ATRNL1: variants seen among roughly 807,000 people sequenced by gnomAD.
The protein encoded by ATRNL1 is attractin-like protein 1.
Under a neutral mutation model 182.7 loss-of-function variants are expected in ATRNL1, and 95 were observed. The ratio of observed to expected loss-of-function variants is 0.52; its 90% CI spans 0.44 to 0.62. The LOEUF is 0.62. Ranked by LOEUF, ATRNL1 falls within the 20% of genes least tolerant of loss-of-function variation. ATRNL1 has a pLI of 0.00. For missense variants in ATRNL1, 1,471 were observed against 1,679.5 expected, an observed-to-expected ratio of 0.88 and a Z score of 2.17; for synonymous variants, 576 against 568.3, an observed-to-expected ratio of 1.01 and a Z score of -0.19.
chr10:115,829,271 A>G (rs1254041646), intron 27 of ATRNL1, among the ~76,000 whole-genome samples: 2 of 152,176 alleles, frequency 1.3e-5, no homozygotes, highest in Non-Finnish European at 2.9e-5. Context: ...TATGGCAGAT[A>G]GGAGTTGAGA....
intron 19 of ATRNL1, among the ~76,000 whole-genome samples, chr10:115,379,895 C>T (rs1554950596): frequency 1.3e-5 from 2 of 152,160 alleles, no homozygotes; most frequent in African/African-American, 4.8e-5. Flanking sequence ...GGCGTGATCT[C>T]AGCTCATTGC....
At chr10:115,202,969 A>T (rs1451923718) in intron 8 of ATRNL1, among the ~76,000 whole-genome samples, 1 of 151,416 alleles carries the variant, frequency 6.6e-6, no homozygotes, top group African/African-American at 2.4e-5. Context: ...GGGAGAGTGT[A>T]TGTGTCGAGG....
At chr10:115,249,883 A>G (rs115777708) in intron 10 of ATRNL1, among the ~76,000 whole-genome samples, 2,238 of 152,344 alleles carry the variant, frequency 0.015, 48 homozygotes, top group African/African-American at 0.05. Context: ...AGAAATATAA[A>G]TTATAGTCAG....
rs1286555596 is a variant in ATRNL1, at chr10:115,241,808, A to C, written c.1687+83A>C. 4 of 1,136,212 alleles carry C rather than the reference A, an allele frequency of 3.5e-6. No individual in the cohort carries two copies. The East Asian group carries it at 9.6e-5, about 27-fold the overall frequency. The allele number at this position is 1,136,212 out of a possible 1,614,324, so 70.4% of individuals were successfully genotyped here. ...ATTCTCAAATACATTAATTGATAGC[A>C]TGTGTATATGTCATTTTAGAGTTAA... On this transcript the variant is annotated intron_variant, in intron 10 of 28. Transcript: ENST00000355044.
chr10:115,175,629 G>T (rs1042181417), intron 8 of ATRNL1, among the ~76,000 whole-genome samples: 1 of 151,964 alleles, frequency 6.6e-6, no homozygotes, highest in Non-Finnish European at 1.5e-5. Context: ...AAGAATAATA[G>T]ATAAACCATG....
At chr10:115,799,220 G>C (rs1465070844) in intron 27 of ATRNL1, among the ~76,000 whole-genome samples, 3 of 152,076 alleles carry the variant, frequency 2.0e-5, no homozygotes, top group Non-Finnish European at 4.4e-5. Flanking sequence ...CATGCTTGTT[G>C]AATTTAACGT....
intron 28 of ATRNL1, among the ~76,000 whole-genome samples, chr10:115,935,116 C>T (rs1953517503): frequency 6.6e-6 from 1 of 152,158 alleles, no homozygotes; most frequent in Non-Finnish European, 1.5e-5. Context: ...CTGCCTGCTT[C>T]ATAGAGTTGG....
chr10:115,623,134 A>G (rs113093680), intron 26 of ATRNL1, among the ~76,000 whole-genome samples: 31 of 152,328 alleles, frequency 2.0e-4, no homozygotes, highest in African/African-American at 5.8e-4. Flanking sequence ...AAATTGTACA[A>G]TATAATGAAT....
intron 28 of ATRNL1, among the ~76,000 whole-genome samples, chr10:115,922,195 G>T (rs1240386353): frequency 6.6e-6 from 1 of 152,158 alleles, no homozygotes; most frequent in Non-Finnish European, 1.5e-5. Context: ...GACATTGTCT[G>T]AGTAAGGGAA....
chr10:115,208,701 T>C (rs1213912263), intron 8 of ATRNL1, among the ~76,000 whole-genome samples: 1 of 152,082 alleles, frequency 6.6e-6, no homozygotes, highest in African/African-American at 2.4e-5. Flanking sequence ...TTACTAGTTT[T>C]TTCTTGGTCC....
chr10:115,584,757 G>C (rs1313815711), intron 26 of ATRNL1, among the ~76,000 whole-genome samples: 1 of 151,896 alleles, frequency 6.6e-6, no homozygotes, highest in Non-Finnish European at 1.5e-5. Context: ...CTTCAGTTTT[G>C]CTCTGACTTT....
intron 28 of ATRNL1, among the ~76,000 whole-genome samples, chr10:115,906,566 TCTG>T (rs1565476385): frequency 6.6e-6 from 1 of 152,168 alleles, no homozygotes; most frequent in Non-Finnish European, 1.5e-5. Flanking sequence ...ATTTAGTAAA[TCTG>T]CTGATTAATT....
intron 26 of ATRNL1, among the ~76,000 whole-genome samples, chr10:115,625,267 C>T (rs1234098230): frequency 2.6e-5 from 4 of 151,924 alleles, no homozygotes; most frequent in Non-Finnish European, 5.9e-5. Flanking sequence ...GCATTTTGTT[C>T]GAAATTGTAT....
At chr10:115,700,088 T>A (rs2420106) in intron 26 of ATRNL1, among the ~76,000 whole-genome samples, 43,183 of 152,166 alleles carry the variant, frequency 0.28, 7,720 homozygotes, top group Non-Finnish European at 0.4. Flanking sequence ...TCATCTGTCA[T>A]TGATGGACAC....
intron 26 of ATRNL1, among the ~76,000 whole-genome samples, chr10:115,566,873 T>C (rs1353755776): frequency 6.8e-6 from 1 of 146,290 alleles, no homozygotes; most frequent in Admixed American, 6.6e-5. Flanking sequence ...CCCAGGGGCT[T>C]TCACATGCAC....
At chr10:115,227,111 G>GA (rs1849731633) in intron 9 of ATRNL1, among the ~76,000 whole-genome samples, 1 of 152,064 alleles carries the variant, frequency 6.6e-6, no homozygotes, top group Non-Finnish European at 1.5e-5. Flanking sequence ...CACAGCAAAA[G>GA]AAACCATTAG....
Position 115,376,796 on chromosome 10 carries a change from T to C in ATRNL1, c.3176-17863T>C, listed in dbSNP as rs12240711. On this transcript the variant is annotated intron_variant, in intron 19 of 28. Transcript: ENST00000355044. ...GGGAAGTTTTCAGCCAGTATTTCTATAAGTAAACTTTTTCTCCCTTTGTCA... is the reference window on the plus strand; with the variant it reads ...GGGAAGTTTTCAGCCAGTATTTCTACAAGTAAACTTTTTCTCCCTTTGTCA... Among the ~76,000 whole-genome samples, 1,201 of 152,368 alleles carry C rather than the reference T, an allele frequency of 7.9e-3. 18 individuals are homozygous for C. Among genetic ancestry groups the C allele is most frequent in the African/African-American group, 0.028 (1,155 of 41,596 alleles).
At chr10:115,371,311 C>A (rs1298288018) in intron 19 of ATRNL1, among the ~76,000 whole-genome samples, 2 of 150,784 alleles carry the variant, frequency 1.3e-5, no homozygotes, top group African/African-American at 4.8e-5. Flanking sequence ...TCCTCCAGAC[C>A]CCAGAATGGT....
chr10:115,843,372 A>G (rs1163900305), intron 27 of ATRNL1, among the ~76,000 whole-genome samples: 1 of 152,100 alleles, frequency 6.6e-6, no homozygotes, highest in Non-Finnish European at 1.5e-5. Flanking sequence ...ATAGACATTT[A>G]CCCAGCTGTT....
Sources: allele counts gnomAD v4.1 joint callset (sites outside exome capture counted in the v4.1 genomes callset), GRCh38; gene constraint gnomAD v4.1.1; transcripts MANE v1.5; gene names NCBI Gene and HGNC (gene_info 2026-07-23, HGNC 2026-07-21).